The following TAMM41 variants were observed in gnomAD, a reference collection of about 807,000 sequenced individuals.
TAMM41 encodes the protein TAM41 mitochondrial translocator assembly and maintenance homolog.
A neutral mutation model predicts 44.1 loss-of-function variants in TAMM41; 36 were observed. The ratio of observed to expected loss-of-function variants is 0.82; its 90% CI spans 0.63 to 1.08. TAMM41 has a LOEUF of 1.08. Ranked by LOEUF, TAMM41 falls within the 50% of genes least tolerant of loss-of-function variation. The pLI is 0.00. For synonymous variants in TAMM41, 164 were observed against 153.1 expected (o/e 1.07, Z -0.53); for missense variants, 417 against 404.3 (o/e 1.03, Z -0.27).
chr3:11,778,613 CCTTT>C, the TAMM41 span, among the ~76,000 whole-genome samples: 2 of 152,038 alleles, frequency 1.3e-5, no homozygotes, highest in South Asian at 4.2e-4. Context: ...GTTTTTTTGT[CCTTT>C]TTTTTTCTCC....
At chr3:11,788,701 C>T (rs560243488), downstream of TAMM41, among the ~76,000 whole-genome samples, 11 of 152,040 alleles carry the variant, frequency 7.2e-5, no homozygotes, top group African/African-American at 1.7e-4. Flanking sequence ...TTTGGGAGGC[C>T]GAGGTGGGTG....
At chr3:11,732,565 C>T in the TAMM41 span, among the ~76,000 whole-genome samples, 43 of 152,172 alleles carry the variant, frequency 2.8e-4, no homozygotes, top group African/African-American at 9.2e-4. Flanking sequence ...GAAAAAAGAC[C>T]GTTTAAAATA....
At chr3:11,826,496 T>C (rs1370098558) in intron 4 of TAMM41, among the ~76,000 whole-genome samples, 3 of 131,612 alleles carry the variant, frequency 2.3e-5, no homozygotes, top group Admixed American at 9.1e-5. Context: ...ACCACTGCAC[T>C]CTAGCTTGGG....
chr3:11,837,845 GA>G (rs2079248859), intron 3 of TAMM41, among the ~76,000 whole-genome samples: 1 of 152,154 alleles, frequency 6.6e-6, no homozygotes, highest in Admixed American at 6.5e-5. Flanking sequence ...GGTCAACTTG[GA>G]GCCCGATCCA....
At chr3:11,837,968 C>T (rs185069241) in intron 3 of TAMM41, among the ~76,000 whole-genome samples, 1 of 152,314 alleles carries the variant, frequency 6.6e-6, no homozygotes, top group East Asian at 1.9e-4. Context: ...AACCAATTCT[C>T]CAGCCCTCCA....
chr3:11,792,769 A>T (rs1245728107), intron 7 of TAMM41, among the ~76,000 whole-genome samples: 1 of 152,254 alleles, frequency 6.6e-6, no homozygotes, highest in Admixed American at 6.5e-5. Context: ...ACCAAAAGAC[A>T]CCATTAAGAG....
chr3:11,766,428 A>G, the TAMM41 span, among the ~76,000 whole-genome samples: 1 of 152,156 alleles, frequency 6.6e-6, no homozygotes, highest in South Asian at 2.1e-4. Flanking sequence ...TTGGCCTCCC[A>G]AAGTGCTGGG....
chr3:11,795,511 A>G (rs1351816964), intron 7 of TAMM41, among the ~76,000 whole-genome samples: 2 of 152,170 alleles, frequency 1.3e-5, no homozygotes, highest in East Asian at 3.8e-4. Context: ...GGCTGTAGCC[A>G]TATCTATTTG....
intron 7 of TAMM41, among the ~76,000 whole-genome samples, chr3:11,804,444 T>C (rs777360007): frequency 3.9e-5 from 6 of 152,188 alleles, no homozygotes; most frequent in Non-Finnish European, 7.3e-5. Context: ...CAACATATCA[T>C]TGCATCTGGA....
chr3:11,806,632 A>G (rs2077917750), intron 7 of TAMM41, among the ~76,000 whole-genome samples: 1 of 152,198 alleles, frequency 6.6e-6, no homozygotes, highest in South Asian at 2.1e-4. Flanking sequence ...ATCTGAATAA[A>G]AGGAGTTCCA....
intron 3 of TAMM41, among the ~76,000 whole-genome samples, chr3:11,835,865 C>T (rs939326207): frequency 2.0e-5 from 3 of 152,148 alleles, no homozygotes; most frequent in Non-Finnish European, 4.4e-5. Flanking sequence ...CTTAGGGAGA[C>T]TGTCAGTGGT....
chr3:11,817,455 A>G, intron 4 of TAMM41, 118 bp from the exon 5 acceptor site: 6 of 1,068,104 alleles, frequency 5.6e-6, no homozygotes, highest in Non-Finnish European at 5.2e-6. Flanking sequence ...CCTCATCAGA[A>G]CACTTGCTTT....
chr3:11,770,129 C>T, the TAMM41 span, among the ~76,000 whole-genome samples: 2 of 152,194 alleles, frequency 1.3e-5, no homozygotes, highest in Non-Finnish European at 2.9e-5. Context: ...TGATTGGTCC[C>T]GCACTCTAAG....
chr3:11,726,068 G>A, the TAMM41 span, among the ~76,000 whole-genome samples: 4 of 152,170 alleles, frequency 2.6e-5, no homozygotes, highest in African/African-American at 9.7e-5. Context: ...GCAAATAAGG[G>A]GAATATCAAC....
At chr3:11,819,648 A>G (rs892977359) in intron 4 of TAMM41, among the ~76,000 whole-genome samples, 2 of 152,166 alleles carry the variant, frequency 1.3e-5, no homozygotes, top group African/African-American at 4.8e-5. Context: ...TAGTCCTAGC[A>G]CTTTGTGAGG....
At chr3:11,808,337 C>T in intron 6 of TAMM41, 1 of 1,010,700 alleles carries the variant, frequency 9.9e-7, no homozygotes. Flanking sequence ...TCACTCACCT[C>T]AAAGAGACGG....
intron 4 of TAMM41, among the ~76,000 whole-genome samples, chr3:11,824,357 A>AT (rs34155955): frequency 0.44 from 46,368 of 105,274 alleles, 10,501 homozygotes; most frequent in African/African-American, 0.48. Context: ...TGCCTGGCTA[A>AT]TTTTTTTTTT....
At chr3:11,806,649 G>C (rs903031665) in intron 7 of TAMM41, among the ~76,000 whole-genome samples, 2 of 152,140 alleles carry the variant, frequency 1.3e-5, no homozygotes, top group East Asian at 1.9e-4. Context: ...TCCAGAAAGA[G>C]AACAGAGAAA....
the TAMM41 span, among the ~76,000 whole-genome samples, chr3:11,778,062 C>T: frequency 6.6e-6 from 1 of 152,092 alleles, no homozygotes; most frequent in Non-Finnish European, 1.5e-5. Flanking sequence ...CATTTGGCAT[C>T]ATGTTTTCGA....
Sources: allele counts gnomAD v4.1 joint callset (sites outside exome capture counted in the v4.1 genomes callset), GRCh38; gene constraint gnomAD v4.1.1; transcripts MANE v1.5; gene names NCBI Gene and HGNC (gene_info 2026-07-23, HGNC 2026-07-21).